XKR9: variants seen among roughly 807,000 people sequenced by gnomAD.
XKR9 encodes XK-related protein 9.
Under a neutral mutation model 32.0 loss-of-function variants are expected in XKR9, and 32 were observed. The observed-to-expected ratio is 1.00, with a 90% confidence interval of 0.76 to 1.34. The LOEUF is 1.34. Ranked by LOEUF, XKR9 falls within the 40% of genes most tolerant of loss-of-function variation. The pLI is 0.00. For missense variants in XKR9, 546 were observed against 429.7 expected (o/e 1.27, Z -2.39); for synonymous variants, 168 against 143.4 (o/e 1.17, Z -1.22).
chr8:70,831,093 C>T, the XKR9 span, among the ~76,000 whole-genome samples: 1 of 152,248 alleles, frequency 6.6e-6, no homozygotes, highest in South Asian at 2.1e-4. Context: ...GGGTTTGAGA[C>T]CAGTCTGACC....
chr8:71,002,519 T>C, the XKR9 span, among the ~76,000 whole-genome samples: 1 of 152,042 alleles, frequency 6.6e-6, no homozygotes. Flanking sequence ...TATAAAATAG[T>C]CTAAAATAAA....
the XKR9 span, among the ~76,000 whole-genome samples, chr8:70,935,946 T>C: frequency 6.6e-6 from 1 of 152,054 alleles, no homozygotes; most frequent in Non-Finnish European, 1.5e-5. Context: ...TTTTGGACAG[T>C]TTCTAACTAG....
the XKR9 span, among the ~76,000 whole-genome samples, chr8:71,063,962 T>C: frequency 1.3e-5 from 2 of 152,260 alleles, no homozygotes; most frequent in Admixed American, 1.3e-4. Context: ...GTGTATCTTT[T>C]ACCTTGTGTC....
At chr8:70,980,061 C>T in the XKR9 span, among the ~76,000 whole-genome samples, 1 of 152,240 alleles carries the variant, frequency 6.6e-6, no homozygotes, top group Non-Finnish European at 1.5e-5. Context: ...GTGGGACCCA[C>T]TGAGCCAATC....
At chr8:70,915,528 T>C in the XKR9 span, among the ~76,000 whole-genome samples, 1 of 152,202 alleles carries the variant, frequency 6.6e-6, no homozygotes, top group Non-Finnish European at 1.5e-5. Flanking sequence ...TTTCTATGTC[T>C]GATTTTTCTT....
intron 3 of XKR9, among the ~76,000 whole-genome samples, chr8:70,698,587 G>A (rs1396674620): frequency 6.6e-6 from 1 of 152,146 alleles, no homozygotes; most frequent in Non-Finnish European, 1.5e-5. Context: ...CATTTGCTGA[G>A]GAGAGCTTTA....
the XKR9 span, among the ~76,000 whole-genome samples, chr8:70,928,973 C>T: frequency 6.6e-6 from 1 of 152,182 alleles, no homozygotes; most frequent in East Asian, 1.9e-4. Context: ...CAGAAGTTGA[C>T]TTTCCTTGAT....
At chr8:70,918,640 CTGAGATCAT>C in the XKR9 span, among the ~76,000 whole-genome samples, 4 of 151,790 alleles carry the variant, frequency 2.6e-5, no homozygotes, top group Non-Finnish European at 1.5e-5. Flanking sequence ...TTGCACTGAG[CTGAGATCAT>C]GCCACTGCAC....
the XKR9 span, among the ~76,000 whole-genome samples, chr8:70,882,704 A>G: frequency 2.6e-5 from 4 of 152,114 alleles, no homozygotes; most frequent in African/African-American, 9.6e-5. Flanking sequence ...TACTTTTCCT[A>G]TTATTAACAT....
the XKR9 span, among the ~76,000 whole-genome samples, chr8:70,825,265 T>C: frequency 1.3e-5 from 2 of 152,128 alleles, no homozygotes; most frequent in African/African-American, 4.8e-5. Context: ...GAGTTTTCAG[T>C]TGGACTTCAT....
chr8:70,926,080 T>C, the XKR9 span, among the ~76,000 whole-genome samples: 1 of 152,216 alleles, frequency 6.6e-6, no homozygotes, highest in South Asian at 2.1e-4. Context: ...TTCTTTTTTC[T>C]AAACTTTTTT....
chr8:70,682,342 G>C (rs1402628533), intron 3 of XKR9, among the ~76,000 whole-genome samples: 1 of 152,108 alleles, frequency 6.6e-6, no homozygotes, highest in Non-Finnish European at 1.5e-5. Flanking sequence ...GATAAAAGTT[G>C]CTTTTGCAAG....
chr8:70,955,467 T>C, the XKR9 span, among the ~76,000 whole-genome samples: 9 of 152,250 alleles, frequency 5.9e-5, no homozygotes, highest in Non-Finnish European at 1.3e-4. Context: ...GGATTTATTA[T>C]CACTTCAATT....
chr8:70,745,980 T>C (rs1329862239), intron 2 of XKR9, among the ~76,000 whole-genome samples: 2 of 152,210 alleles, frequency 1.3e-5, no homozygotes, highest in Non-Finnish European at 2.9e-5. Context: ...ATACATGTCT[T>C]TGGGGTTAAC....
At chr8:70,670,643 G>A (rs2132090330) in intron 1 of XKR9, 1 of 152,088 alleles carries the variant, frequency 6.6e-6, no homozygotes, top group African/African-American at 2.4e-5. Flanking sequence ...GTATCAGAGT[G>A]GCTAATGACA....
At chr8:70,717,703 G>T (rs1806138685) in intron 4 of XKR9, among the ~76,000 whole-genome samples, 1 of 152,178 alleles carries the variant, frequency 6.6e-6, no homozygotes. Flanking sequence ...ATGCCCTGGA[G>T]ACATTTTTCC....
At chr8:70,704,856 A>AT (rs113335294) in intron 3 of XKR9, among the ~76,000 whole-genome samples, 9 of 152,074 alleles carry the variant, frequency 5.9e-5, no homozygotes, top group African/African-American at 1.9e-4. Context: ...AGTATTAATC[A>AT]TTTTTTTTCT....
chr8:70,993,930 A>G, the XKR9 span, among the ~76,000 whole-genome samples: 1 of 152,152 alleles, frequency 6.6e-6, no homozygotes, highest in African/African-American at 2.4e-5. Context: ...TTTCCAAGCC[A>G]TCCCCATGTC....
Position 70,680,139 on chromosome 8 carries a change from G to A in XKR9, c.-278-642G>A, listed in dbSNP as rs1418787735. On this transcript the variant is annotated intron_variant, in intron 2 of 4. Transcript: ENST00000408926. The stretch of plus-strand genomic sequence containing the variant: ...TAGTATACAGTATTTATCTTTCTGG[G>A]ATTTGCTTTTTTCACTTAAAACATC... Among the ~76,000 whole-genome samples the A allele has an allele frequency of 5.3e-5, 8 of 151,970 alleles. No individual in the cohort carries two copies. The East Asian group carries it at 1.5e-3, about 29-fold the overall frequency.
Sources: gnomAD v4.1 joint callset for allele counts (sites outside exome capture counted in the v4.1 genomes callset) on GRCh38, gnomAD v4.1.1 for gene constraint, MANE v1.5 for transcripts, NCBI Gene and HGNC (gene_info 2026-07-23, HGNC 2026-07-21) for gene names.